NDUFA10: variants seen among roughly 807,000 people sequenced by gnomAD.
NDUFA10 encodes the protein NADH dehydrogenase [ubiquinone] 1 alpha subcomplex subunit 10, mitochondrial.
A neutral mutation model predicts 47.8 loss-of-function variants in NDUFA10; 40 were observed. The ratio of observed to expected loss-of-function variants is 0.84; its 90% CI spans 0.65 to 1.09. The LOEUF (loss-of-function observed/expected upper bound fraction) is 1.09, where lower values mean the gene tolerates loss of function less well. Ranked by LOEUF, NDUFA10 falls within the 50% of genes least tolerant of loss-of-function variation. The pLI, the probability that NDUFA10 is intolerant of heterozygous loss-of-function variation, is 0.00. For synonymous variants in NDUFA10, 183 were observed against 172.2 expected (o/e 1.06, Z -0.49); for missense variants, 413 against 451.1 (o/e 0.92, Z 0.76).
chr2:239,908,900 C>CAAG (rs1693701199), intron 4 of NDUFA10, among the ~76,000 whole-genome samples: 2 of 152,148 alleles, frequency 1.3e-5, no homozygotes, highest in Admixed American at 1.3e-4. Context: ...CCAGGAGGAG[C>CAAG]CCCCAAGCAC....
At chr2:239,996,644 C>G (rs933202458) in intron 8 of NDUFA10, among the ~76,000 whole-genome samples, 6 of 152,170 alleles carry the variant, frequency 3.9e-5, no homozygotes, top group African/African-American at 1.4e-4. Context: ...ATGCTCAAGT[C>G]CCTTACATAA....
At position 239,959,850 on chromosome 2, in the gene NDUFA10, G is replaced by C; in HGVS notation, c.*1268C>G. On this transcript the variant is annotated 3_prime_UTR_variant, in exon 10 of 10. Coordinates refer to ENST00000252711, the MANE Select transcript of NDUFA10 (RefSeq NM_004544.4). Reference sequence around the variant, plus strand: ...GGAGGAAAGAAGGAGGGAAGGAAGGGGAGAGGGAAAAAGGCAGGCGGACGC... The same window carrying C: ...GGAGGAAAGAAGGAGGGAAGGAAGGCGAGAGGGAAAAAGGCAGGCGGACGC... The C allele has an allele frequency of 1.0e-6, 1 of 966,086 alleles. No individual in the cohort carries two copies. Among genetic ancestry groups the C allele is most frequent in the Non-Finnish European group, 1.2e-6 (1 of 812,444 alleles). The allele number at this position is 966,086 out of a possible 1,614,324, so 59.8% of individuals were successfully genotyped here. A position where few individuals can be genotyped will look rare whatever the true frequency, so the allele number is the denominator to read the frequency against.
chr2:239,935,749 G>A (rs1417700383), intron 4 of NDUFA10, among the ~76,000 whole-genome samples: 1 of 152,170 alleles, frequency 6.6e-6, no homozygotes, highest in African/African-American at 2.4e-5. Flanking sequence ...TGGTTTTATA[G>A]GGGAAACTCC....
At chr2:239,936,739 G>A (rs945605179) in intron 4 of NDUFA10, among the ~76,000 whole-genome samples, 1 of 152,174 alleles carries the variant, frequency 6.6e-6, no homozygotes, top group Admixed American at 6.5e-5. Flanking sequence ...GATCACCTGA[G>A]GTCAGGCGTT....
At position 239,959,143 on chromosome 2, in the gene NDUFA10, CA is replaced by C; in HGVS notation, c.*1974del. The C allele has an allele frequency of 2.0e-6, 2 of 985,480 alleles. No homozygotes were observed. The highest frequency in any genetic ancestry group is 2.4e-6 in the Non-Finnish European group (2 of 829,952). 61.0% of individuals were successfully genotyped at this position (985,480 alleles called of 1,614,324 possible). On this transcript the variant is annotated 3_prime_UTR_variant, in exon 10 of 10. Transcript: ENST00000252711. The stretch of plus-strand genomic sequence containing the variant: ...AAACAGACGAATGTCCTCAGCACTA[CA>C]AATTACATACTTCCCACTCCATCAA...
rs1298103182 is a variant in NDUFA10 at position 239,957,461 on chromosome 2, T to C, written c.*3657A>G. On this transcript the variant is annotated 3_prime_UTR_variant, in exon 10 of 10. Transcript: ENST00000252711. The stretch of plus-strand genomic sequence containing the variant: ...TAACCAGCAATTGGATCTAACTAAC[T>C]AGGGAGCTTCAGAATTTTAATTTAA... 1 of 152,212 alleles carries C rather than the reference T, an allele frequency of 6.6e-6. No individual in the cohort carries two copies. Among genetic ancestry groups the C allele is most frequent in the Admixed American group, 6.5e-5 (1 of 15,284 alleles). 9.4% of individuals were successfully genotyped at this position (152,212 alleles called of 1,614,324 possible).
rs1697821307 is a variant in NDUFA10 at position 240,025,310 on chromosome 2, G to A, written c.-9C>T. 4.0e-6 allele frequency: 6 copies of A among 1,504,914 alleles called. No individual in the cohort carries two copies. The East Asian group carries it at 8.2e-5, about 21-fold the overall frequency. 93.2% of individuals were successfully genotyped at this position (1,504,914 alleles called of 1,614,324 possible). ...AGGAGCCGCAAGGCCATGGCTACCC[G>A]GTCAGCTCAGGATCAAGGACCCAAG... On this transcript the variant is annotated 5_prime_UTR_variant, in exon 1 of 10. Coordinates refer to ENST00000252711, the MANE Select transcript of NDUFA10 (RefSeq NM_004544.4).
At chr2:239,934,326 T>TC (rs1170978836) in intron 4 of NDUFA10, among the ~76,000 whole-genome samples, 1 of 151,848 alleles carries the variant, frequency 6.6e-6, no homozygotes, top group Non-Finnish European at 1.5e-5. Context: ...GGCAGGTGGG[T>TC]CTTAACCTTC....
intron 9 of NDUFA10, among the ~76,000 whole-genome samples, chr2:239,969,062 T>A (rs1303101208): frequency 1.3e-5 from 2 of 152,154 alleles, no homozygotes; most frequent in South Asian, 4.1e-4. Context: ...GAACAAGATC[T>A]AGCACTCAAA....
intron 4 of NDUFA10, among the ~76,000 whole-genome samples, chr2:239,933,108 A>G (rs1434265372): frequency 2.6e-5 from 4 of 152,108 alleles, no homozygotes; most frequent in Non-Finnish European, 5.9e-5. Context: ...GGTCCCAGGC[A>G]GTAGCAGGTC....
At chr2:239,977,429 G>A (rs1322653196) in intron 9 of NDUFA10, among the ~76,000 whole-genome samples, 1 of 152,176 alleles carries the variant, frequency 6.6e-6, no homozygotes, top group African/African-American at 2.4e-5. Flanking sequence ...TGATGGGAAA[G>A]AGCAGGCTTC....
intron 9 of NDUFA10, among the ~76,000 whole-genome samples, chr2:239,989,151 A>G (rs1447191236): frequency 1.3e-5 from 2 of 152,226 alleles, no homozygotes; most frequent in African/African-American, 2.4e-5. Context: ...CCTCTGAGAG[A>G]TATCTTTATG....
At chr2:239,905,464 A>ATG (rs927222437) in intron 4 of NDUFA10, among the ~76,000 whole-genome samples, 3 of 152,108 alleles carry the variant, frequency 2.0e-5, no homozygotes, top group Non-Finnish European at 4.4e-5. Context: ...GGGCATGCGT[A>ATG]TGTGTGTGTG....
rs1329837096 is a variant in NDUFA10, at chr2:240,011,611, G to T, written c.749+6C>A. 2.5e-6 allele frequency: 4 copies of T among 1,604,734 alleles called. No homozygotes were observed. Among genetic ancestry groups the T allele is most frequent in the African/African-American group, 2.7e-5 (2 of 74,718 alleles). On this transcript the variant is annotated splice_donor_region_variant and intron_variant, in intron 6 of 9. Transcript: ENST00000252711. ...GCCCTGTAAATCAGTCGTGTGTTTG[G>T]CTCACCTCATCTCAGGGAGAAAGGT...
Position 239,915,023 on chromosome 2 carries a change from T to A in NDUFA10, c.295-19709A>T, listed in dbSNP as rs564428238. Among the ~76,000 whole-genome samples, 28 of 108,184 alleles carry A rather than the reference T, an allele frequency of 2.6e-4. 2 individuals carry two copies. Among genetic ancestry groups the A allele is most frequent in the African/African-American group, 1.1e-3 (26 of 23,496 alleles). The allele number at this position is 108,184 out of a possible 152,430, so 71.0% of individuals were successfully genotyped here. Reference sequence around the variant, plus strand: ...ACACACACAGAGAGACACACAGAGATACACATACACACACAGAACACACAC... The same window carrying A: ...ACACACACAGAGAGACACACAGAGAAACACATACACACACAGAACACACAC... On this transcript the variant is annotated intron_variant, in intron 4 of 5. Coordinates refer to the NDUFA10 transcript ENST00000419408.
rs369471099 is a variant in NDUFA10 at position 240,019,265 on chromosome 2, C to T, written c.461-626G>A. ...CTTCATCCCTCTACTAAAACACAGG[C>T]TTCCCTCCCTGTGGCGCCCTTAGCT... On this transcript the variant is annotated intron_variant, in intron 3 of 9. Coordinates refer to ENST00000252711, the MANE Select transcript of NDUFA10 (RefSeq NM_004544.4). Among the ~76,000 whole-genome samples the T allele has an allele frequency of 7.2e-5, 11 of 152,324 alleles. No homozygotes were observed. The East Asian group carries it at 1.9e-3, about 27-fold the overall frequency.
At chr2:239,937,464 C>T (rs59587270) in intron 4 of NDUFA10, among the ~76,000 whole-genome samples, 2,674 of 152,242 alleles carry the variant, frequency 0.018, 79 homozygotes, top group African/African-American at 0.061. Flanking sequence ...TGGCATCATA[C>T]ACTATGTGCT....
chr2:239,966,869 TTC>T (rs1491006834), intron 9 of NDUFA10, among the ~76,000 whole-genome samples: 2,781 of 64,930 alleles, frequency 0.043, 105 homozygotes, highest in African/African-American at 0.12. Context: ...TTTTTTTTTT[TTC>T]CCTAAGAGAG....
Position 240,025,309 on chromosome 2 carries a change from C to A in NDUFA10, c.-8G>T, listed in dbSNP as rs1311667265. 6.6e-7 allele frequency: 1 copy of A among 1,505,272 alleles called. No homozygotes were observed. Among genetic ancestry groups the A allele is most frequent in the East Asian group, 2.7e-5 (1 of 36,494 alleles). The allele number at this position is 1,505,272 out of a possible 1,614,324, so 93.2% of individuals were successfully genotyped here. On this transcript the variant is annotated 5_prime_UTR_variant, in exon 1 of 10. Transcript: ENST00000252711. The stretch of plus-strand genomic sequence containing the variant: ...CAGGAGCCGCAAGGCCATGGCTACC[C>A]GGTCAGCTCAGGATCAAGGACCCAA...
Sources: gnomAD v4.1 joint callset for allele counts (sites outside exome capture counted in the v4.1 genomes callset) on GRCh38, gnomAD v4.1.1 for gene constraint, MANE v1.5 for transcripts, NCBI Gene and HGNC (gene_info 2026-07-23, HGNC 2026-07-21) for gene names.